Variants in KLC3 observed in about 807,000 individuals in gnomAD.
KLC3 encodes the protein kinesin light chain 3.
A neutral mutation model predicts 62.9 loss-of-function variants in KLC3; 72 were observed. The observed-to-expected ratio is 1.15, with a 90% CI of 0.95 to 1.39. The LOEUF (loss-of-function observed/expected upper bound fraction) is 1.39. KLC3 is among the 40% of genes most tolerant of loss of function. The pLI is 0.00. For synonymous variants in KLC3, 377 were observed against 300.5 expected (o/e 1.25, Z -2.63); for missense variants, 848 against 691.6 (o/e 1.23, Z -2.54).
In KLC3 at chr19:45,348,076, AGGCCTT is replaced by A; in HGVS notation, c.698_703del (p.Ala233_Leu234del). ...GAGGTGGCGGTGCCTCTGTGCCGCCAGGCCTTGGAGGACCTGGAGCGCAGCTCGGGC... is the reference window on the plus strand; with the variant it reads ...GAGGTGGCGGTGCCTCTGTGCCGCCAGGAGGACCTGGAGCGCAGCTCGGGC... On this transcript the variant is annotated inframe_deletion, in exon 5 of 13. Coordinates refer to ENST00000391946, the MANE Select transcript of KLC3 (RefSeq NM_177417.3). 1.2e-6 allele frequency: 2 copies of A among 1,602,584 alleles called. No homozygotes were observed. Among genetic ancestry groups the A allele is most frequent in the South Asian group, 2.2e-5 (2 of 89,256 alleles).
intron 3 of KLC3, chr19:45,347,078 C>A (rs1320236907): frequency 2.3e-6 from 1 of 442,880 alleles, no homozygotes; most frequent in East Asian, 4.1e-5. Context: ...TGCGGTGGCT[C>A]ACGCCTGTAA....
rs772663403 is a variant in KLC3 at position 45,345,677 on chromosome 19, G to A, written c.136G>A (p.Gly46Arg). 1 of 1,578,528 alleles carries A rather than the reference G, an allele frequency of 6.3e-7. No individual in the cohort carries two copies. Among genetic ancestry groups the A allele is most frequent in the South Asian group, 1.2e-5 (1 of 86,098 alleles). Residue 46 changes from glycine to arginine, a missense_variant, in exon 2 of 13, where the codon GGG becomes AGG. By Grantham distance (125) the Gly-to-Arg change is moderately radical. Coordinates refer to ENST00000391946, the MANE Select transcript of KLC3 (RefSeq NM_177417.3). ...GCGGGCAGAGCACCATGGCCTGGCT[G>A]GGCACCTGGCGGAGGCCCTGGCGGG... The part of the protein sequence containing the change: ...ALRAEHHGLA[G>R]HLAEALAGQG...
At chr19:45,348,294 G>GT (rs1568524185) in intron 5 of KLC3, 134 bp downstream of exon 5, 5 of 817,484 alleles carry the variant, frequency 6.1e-6, no homozygotes, top group Non-Finnish European at 9.5e-6. Context: ...GCAAGAATGG[G>GT]AAAGGAAGGG....
At position 45,348,840 on chromosome 19, in the gene KLC3, C is replaced by G; in HGVS notation, c.888C>G (p.Asn296Lys). ...EHPAVAATLN[N>K]LAVLYGKRGR... ...CGCAGGTGGCCGCCACGCTCAACAA[C>G]TTGGCTGTCCTCTATGGGAAGCGTG... is the stretch of plus-strand genomic sequence containing the variant. Residue 296 changes from asparagine to lysine, a missense_variant, in exon 7 of 13, where the codon AAC becomes AAG. Transcript: ENST00000391946. The G allele has an allele frequency of 1.9e-6, 3 of 1,574,342 alleles. No individual in the cohort carries two copies. Among genetic ancestry groups the G allele is most frequent in the Non-Finnish European group, 2.6e-6 (3 of 1,159,924 alleles).
intron 8 of KLC3, chr19:45,350,135 AGT>A: frequency 1.7e-6 from 1 of 581,904 alleles, no homozygotes. Context: ...CACATTAGAA[AGT>A]GGGGCCAGAC....
At chr19:45,348,596 C>G (rs2123191054) in intron 5 of KLC3, 50 bp from the exon 6 acceptor site, 3 of 1,528,696 alleles carry the variant, frequency 2.0e-6, no homozygotes, top group African/African-American at 1.4e-5. Flanking sequence ...GTGGCTGCAG[C>G]TGCCCCAACC....
intron 8 of KLC3, 87 bp from the exon 9 acceptor site, chr19:45,350,254 C>A (rs1463130942): frequency 2.1e-6 from 2 of 949,636 alleles, no homozygotes; most frequent in Non-Finnish European, 1.5e-6. Context: ...AGACCCCTGT[C>A]TCTACAAAAA....
chr19:45,343,836 C>T (rs1385808692), intron 1 of KLC3, among the ~76,000 whole-genome samples: 1 of 139,222 alleles, frequency 7.2e-6, no homozygotes, highest in Non-Finnish European at 1.6e-5. Context: ...GTATATTATG[C>T]TGTCCTTTCT....
rs369638220 is a variant in KLC3, at chr19:45,348,816, G to A, written c.868-4G>A. The A allele has an allele frequency of 1.9e-3, 2,897 of 1,563,912 alleles. 3 individuals carry two copies. The highest frequency in any genetic ancestry group is 2.3e-3 in the Non-Finnish European group (2,705 of 1,153,912). On this transcript the variant is annotated splice_polypyrimidine_tract_variant and splice_region_variant and intron_variant, in intron 6 of 12. Coordinates refer to ENST00000391946, the MANE Select transcript of KLC3 (RefSeq NM_177417.3). Reference sequence around the variant, plus strand: ...CCTGACCTGTGCCTCCCCCAACCCCGCAGGTGGCCGCCACGCTCAACAACT... The same window carrying A: ...CCTGACCTGTGCCTCCCCCAACCCCACAGGTGGCCGCCACGCTCAACAACT...
Position 45,348,922 on chromosome 19 carries a change from G to T in KLC3, c.969+1G>T. The T allele has an allele frequency of 6.4e-7, 1 of 1,574,154 alleles. No individual in the cohort carries two copies. Among genetic ancestry groups the T allele is most frequent in the Non-Finnish European group, 8.6e-7 (1 of 1,159,590 alleles). On this transcript the variant is annotated splice_donor_variant, in intron 7 of 12. Transcript: ENST00000391946. LOFTEE classifies it high-confidence loss of function. The stretch of plus-strand genomic sequence containing the variant: ...GCGCGCTTTGGAGATCCGAGAGAAG[G>T]TCCCATCCCCCTCACCCCACCCCGA...
Position 45,350,628 on chromosome 19 carries a change from G to A in KLC3, c.1273-13G>A, listed in dbSNP as rs371863089. ...GCCTGGGGGACTGAGCAGCATCCCC[G>A]GCCCCTCCCCAGGCCCTTCGCCGCA... On this transcript the variant is annotated splice_polypyrimidine_tract_variant and intron_variant, in intron 10 of 12. Transcript: ENST00000391946. The A allele has an allele frequency of 2.4e-4, 389 of 1,612,774 alleles. No individual in the cohort carries two copies. The highest frequency in any genetic ancestry group is 2.9e-4 in the Non-Finnish European group (338 of 1,178,964).
chr19:45,349,400 C>T, intron 7 of KLC3, 29 bp from the exon 8 acceptor site: 2 of 1,578,152 alleles, frequency 1.3e-6, no homozygotes, highest in Admixed American at 1.8e-5. Flanking sequence ...CCTGTATGAT[C>T]CCTCTGACTT....
rs374341318 is a variant in KLC3 at position 45,345,552 on chromosome 19, A to T, written c.11A>T (p.Gln4Leu). Residue 4 changes from glutamine to leucine, a missense_variant, in exon 2 of 13, where the codon CAG becomes CTG. Transcript: ENST00000391946. Reference protein sequence around the residue: MSVQVAAPGSAGLG... With the variant: MSVLVAAPGSAGLG... ...TCCCCAGGAGCAGCAATGTCTGTGC[A>T]GGTAGCGGCTCCTGGAAGTGCAGGG... is the stretch of plus-strand genomic sequence containing the variant. 1 of 1,565,486 alleles carries T rather than the reference A, an allele frequency of 6.4e-7. No homozygotes were observed. Among genetic ancestry groups the T allele is most frequent in the South Asian group, 1.2e-5 (1 of 84,910 alleles).
At chr19:45,345,447 C>T in intron 1 of KLC3, 87 bp from the exon 2 acceptor site, 1 of 1,524,524 alleles carries the variant, frequency 6.6e-7, no homozygotes. Flanking sequence ...AGTTAGGGGT[C>T]CTGATGGCCA....
At chr19:45,349,760 A>C (rs1167449660) in intron 8 of KLC3, 158 bp downstream of exon 8, 2 of 684,424 alleles carry the variant, frequency 2.9e-6, no homozygotes, top group Non-Finnish European at 4.7e-6. Context: ...GGCTCAGCAC[A>C]GAACACGGAA....
rs150382075 is a variant in KLC3, at chr19:45,347,461, G to A, written c.504G>A (p.Pro168=). ...PPAESQQSES[P]PRRDSLASLF... is the part of the protein sequence containing the mutation. Reference sequence around the variant, plus strand: ...TGTCTCTGCAGCAGTCTGAGTCCCCGCCTCGCCGAGACAGCCTGGCCTCCC... The same window carrying A: ...TGTCTCTGCAGCAGTCTGAGTCCCCACCTCGCCGAGACAGCCTGGCCTCCC... Residue 168 remains proline, a synonymous_variant, in exon 4 of 13, where the codon CCG becomes CCA. Transcript: ENST00000391946. The A allele has an allele frequency of 1.1e-3, 1,812 of 1,606,234 alleles. 6 individuals carry two copies. In the African/African-American group the frequency reaches 0.015, roughly 14 times the overall value.
chr19:45,351,276 C>T lies in KLC3; in HGVS notation c.1444-10C>T. 6.2e-7 allele frequency: 1 copy of T among 1,612,184 alleles called. No individual in the cohort carries two copies. The highest frequency in any genetic ancestry group is 8.5e-7 in the Non-Finnish European group (1 of 1,179,830). On this transcript the variant is annotated splice_polypyrimidine_tract_variant and intron_variant, in intron 12 of 12. Coordinates refer to ENST00000391946, the MANE Select transcript of KLC3 (RefSeq NM_177417.3). ...CCTCCCCTCCAACCATCCCCTGTGC[C>T]TGTCTCCAGTTTCCCAGCTGGCACC...
At chr19:45,347,380 G>C (rs1971527822) in intron 3 of KLC3, 67 bp from the exon 4 acceptor site, 6 of 1,081,148 alleles carry the variant, frequency 5.5e-6, no homozygotes, top group South Asian at 4.1e-5. Context: ...ACCTGAGATA[G>C]AGCCAGGGCC....
intron 5 of KLC3, 132 bp downstream of exon 5, chr19:45,348,292 G>A (rs1971558504): frequency 2.5e-6 from 2 of 815,078 alleles, no homozygotes; most frequent in African/African-American, 1.7e-5. Flanking sequence ...CAGCAAGAAT[G>A]GGAAAGGAAG....
Sources: allele counts gnomAD v4.1 joint callset (sites outside exome capture counted in the v4.1 genomes callset), GRCh38; gene constraint gnomAD v4.1.1; transcripts MANE v1.5; gene names NCBI Gene and HGNC (gene_info 2026-07-23, HGNC 2026-07-21).